The following ZNF677 variants were observed in gnomAD, a reference collection of about 807,000 sequenced individuals.
ZNF677 encodes hypothetical protein MGC48625.
ZNF677 carries 5 observed loss-of-function variants against 8.1 expected under a neutral mutation model. The observed-to-expected ratio is 0.62, with a 90% confidence interval of 0.32 to 1.29. The LOEUF is 1.29. Ranked by LOEUF, ZNF677 falls within the 50% of genes most tolerant of loss-of-function variation. The pLI, the probability that ZNF677 is intolerant of heterozygous loss-of-function variation, is 0.05. For missense variants in ZNF677, 685 were observed against 685.9 expected, an observed-to-expected ratio of 1.00 and a Z score of 0.01; for synonymous variants, 221 against 225.6, an observed-to-expected ratio of 0.98 and a Z score of 0.18.
intron 4 of ZNF677, chr19:53,243,078 G>A (rs1004660640): frequency 6.6e-6 from 1 of 152,338 alleles, no homozygotes; most frequent in Non-Finnish European, 1.5e-5. Flanking sequence ...CCCATTTGCA[G>A]AGTTTCCCAA....
At chr19:53,242,962 C>G (rs2091077947) in intron 4 of ZNF677, 1 of 152,196 alleles carries the variant, frequency 6.6e-6, no homozygotes, top group Admixed American at 6.5e-5. Context: ...GGGAGTTCAA[C>G]CTTTTACACA....
rs1257814975 is a variant in ZNF677, at chr19:53,237,439, G to A, written c.1288C>T (p.Pro430Ser). Residue 430 changes from proline (P) to serine (S), a missense_variant, in exon 5 of 5, where the codon CCA becomes TCA. Physicochemically the swap from Pro to Ser is moderately conservative, Grantham distance 74. Transcript: ENST00000598513. Reference protein sequence around the residue: ...RHQNIHPGEKPHKCNVCGRAF... With the variant: ...RHQNIHPGEKSHKCNVCGRAF... ...CTGCCACACACATTACATTTGTGTG[G>A]TTTCTCTCCAGGATGTATATTCTGA... 1.2e-6 allele frequency: 2 copies of A among 1,613,970 alleles called. No homozygotes were observed. Among genetic ancestry groups the A allele is most frequent in the South Asian group, 2.2e-5 (2 of 91,076 alleles).
At chr19:53,240,978 A>T (rs752226524) in intron 4 of ZNF677, 5 of 152,118 alleles carry the variant, frequency 3.3e-5, no homozygotes, top group Non-Finnish European at 7.4e-5. Flanking sequence ...GTGAACATAA[A>T]ATTGCTAAAA....
Position 53,254,840 on chromosome 19 carries a change from G to A in ZNF677, c.-133C>T, listed in dbSNP as rs1488629518. ...CCGAAAGACGGAGACTCACCCGAGA[G>A]CGCCAGTAGCCCCGCGAGATCCGCT... is the stretch of plus-strand genomic sequence containing the variant. On this transcript the variant is annotated 5_prime_UTR_variant, in exon 1 of 5. Transcript: ENST00000598513. 6.5e-6 allele frequency: 1 copy of A among 152,694 alleles called. No individual in the cohort carries two copies. Among genetic ancestry groups the A allele is most frequent in the Non-Finnish European group, 1.5e-5 (1 of 68,100 alleles). 9.5% of individuals were successfully genotyped at this position (152,694 alleles called of 1,614,324 possible). A position where few individuals can be genotyped will look rare whatever the true frequency, so the allele number is the denominator to read the frequency against.
chr19:53,249,183 C>T (rs1014480209), intron 3 of ZNF677: 3 of 152,152 alleles, frequency 2.0e-5, no homozygotes, highest in Admixed American at 6.5e-5. Context: ...GTCCTACTTT[C>T]CTTTAGTTCT....
intron 4 of ZNF677, chr19:53,241,747 G>T: frequency 2.5e-6 from 1 of 397,630 alleles, no homozygotes; most frequent in Non-Finnish European, 4.4e-6. Context: ...GTGGCTTCAA[G>T]AGGCACCTCT....
In ZNF677 at chr19:53,237,600, T is replaced by G; in HGVS notation, c.1127A>C (p.Lys376Thr). Residue 376 changes from lysine (K) to threonine (T), a missense_variant, in exon 5 of 5, where the codon AAA (lysine) becomes ACA (threonine). Transcript: ENST00000598513. ...ERIHTGEKPYKCNECDKAFAE... is the reference protein window; with the variant it reads ...ERIHTGEKPYTCNECDKAFAE... ...AAAGGCTTTGTCACATTCATTACAT[T>G]TGTAAGGTTTCTCTCCAGTATGAAT... 1 of 1,613,878 alleles carries G rather than the reference T, an allele frequency of 6.2e-7. No homozygotes were observed. The highest frequency in any genetic ancestry group is 1.1e-5 in the South Asian group (1 of 91,042).
chr19:53,253,777 A>AT (rs146672558), intron 1 of ZNF677, among the ~76,000 whole-genome samples: 1 of 152,172 alleles, frequency 6.6e-6, no homozygotes, highest in African/African-American at 2.4e-5. Context: ...TACTTTGAAA[A>AT]TTTTTTTTAA....
intron 3 of ZNF677, among the ~76,000 whole-genome samples, chr19:53,245,347 T>C (rs751376992): frequency 1.3e-5 from 2 of 152,066 alleles, no homozygotes; most frequent in Non-Finnish European, 2.9e-5. Flanking sequence ...AGGCAACTTA[T>C]GGAATGGGAA....
At chr19:53,248,072 T>C (rs964204905) in intron 3 of ZNF677, among the ~76,000 whole-genome samples, 1 of 152,180 alleles carries the variant, frequency 6.6e-6, no homozygotes, top group Non-Finnish European at 1.5e-5. Context: ...CTTCTTTGTG[T>C]GTATAAGTTT....
At chr19:53,239,807 C>A (rs2091019769) in intron 4 of ZNF677, 1 of 152,112 alleles carries the variant, frequency 6.6e-6, no homozygotes, top group Non-Finnish European at 1.5e-5. Context: ...CCTTTTCATA[C>A]CAAAACAAAG....
chr19:53,238,448 A>C lies in ZNF677; in HGVS notation c.279T>G (p.Asn93Lys). The C allele has an allele frequency of 6.2e-7, 1 of 1,613,744 alleles. No individual in the cohort carries two copies. The highest frequency in any genetic ancestry group is 8.5e-7 in the Non-Finnish European group (1 of 1,179,916). Residue 93 changes from asparagine to lysine, a missense_variant, in exon 5 of 5, where the codon AAT becomes AAG. Coordinates refer to ENST00000598513, the MANE Select transcript of ZNF677 (RefSeq NM_182609.4). ...LERKESHGIN[N>K]FDLKEVWENM... Reference sequence around the variant, plus strand: ...TTTCCCAGACTTCCTTGAGGTCAAAATTGTTGATGCCATGGCTTTCCTTTC... The same window carrying C: ...TTTCCCAGACTTCCTTGAGGTCAAACTTGTTGATGCCATGGCTTTCCTTTC...
At chr19:53,250,803 T>C (rs2091222675) in intron 3 of ZNF677, among the ~76,000 whole-genome samples, 1 of 152,176 alleles carries the variant, frequency 6.6e-6, no homozygotes. Context: ...AACCTACCCC[T>C]GGACTAAAAT....
At chr19:53,241,919 T>C in intron 4 of ZNF677, 1 of 395,018 alleles carries the variant, frequency 2.5e-6, no homozygotes, top group Non-Finnish European at 4.4e-6. Flanking sequence ...TCTAGGAATG[T>C]GTACTTTTCT....
chr19:53,251,599 A>G lies in ZNF677; in HGVS notation c.-49T>C. 6.2e-7 allele frequency: 1 copy of G among 1,612,638 alleles called. No individual in the cohort carries two copies. The highest frequency in any genetic ancestry group is 8.5e-7 in the Non-Finnish European group (1 of 1,179,232). ...TTCCTCTGAGTTTCTTTCTCAGGTA[A>G]GTCAGTCTGTATGTCAAAAATATGT... On this transcript the variant is annotated 5_prime_UTR_variant, in exon 3 of 5. Coordinates refer to ENST00000598513, the MANE Select transcript of ZNF677 (RefSeq NM_182609.4).
chr19:53,252,852 T>C (rs1440991390), intron 2 of ZNF677, among the ~76,000 whole-genome samples: 1 of 152,180 alleles, frequency 6.6e-6, no homozygotes. Context: ...CCAGTAGTGA[T>C]GGGGTGCTAA....
chr19:53,247,793 C>A (rs1304125200), intron 3 of ZNF677, among the ~76,000 whole-genome samples: 1 of 152,170 alleles, frequency 6.6e-6, no homozygotes, highest in East Asian at 1.9e-4. Flanking sequence ...AGCTATCCAG[C>A]TAGGTTTAAT....
rs768921652 is a variant in ZNF677, at chr19:53,237,989, G to C, written c.738C>G (p.Tyr246Ter). The C allele has an allele frequency of 1.2e-6, 2 of 1,612,840 alleles. No homozygotes were observed. The highest frequency in any genetic ancestry group is 1.7e-6 in the Non-Finnish European group (2 of 1,179,764). Residue 246 changes from tyrosine (Y) to a stop codon, truncating the protein, a stop_gained, in exon 5 of 5, where the codon TAC becomes TAG. Transcript: ENST00000598513. LOFTEE classifies it low-confidence loss of function (END_TRUNC). ...TCCCATACTGTGTATGTAATAAAGGGTATTTCAAAATCTTCCTATATTTAT... is the reference window on the plus strand; with the variant it reads ...TCCCATACTGTGTATGTAATAAAGGCTATTTCAAAATCTTCCTATATTTAT... ...ICNKYRKILKYPLLHTQYGRT... is the reference protein window; with the variant it reads ...ICNKYRKILK
chr19:53,244,030 A>AT (rs949218844), intron 3 of ZNF677, 133 bp from the exon 4 acceptor site: 19 of 808,432 alleles, frequency 2.4e-5, no homozygotes, highest in South Asian at 4.0e-5. Flanking sequence ...CCCTAATTTT[A>AT]TTTTTTTTAA....
Sources: allele counts gnomAD v4.1 joint callset (sites outside exome capture counted in the v4.1 genomes callset), GRCh38; gene constraint gnomAD v4.1.1; transcripts MANE v1.5; gene names NCBI Gene and HGNC (gene_info 2026-07-23, HGNC 2026-07-21).